The following ZNF516 variants were observed in gnomAD, a reference collection of about 807,000 sequenced individuals.
The protein encoded by ZNF516 is zinc finger protein 516.
A neutral mutation model predicts 79.7 loss-of-function variants in ZNF516; 19 were observed. The observed-to-expected ratio is 0.24, with a 90% CI of 0.17 to 0.35. The LOEUF is 0.35. ZNF516 is among the 10% of genes least tolerant of loss of function. The pLI, the probability that ZNF516 is intolerant of heterozygous loss-of-function variation, is 1.00. For missense variants in ZNF516, 1,678 were observed against 1,679.5 expected (o/e 1.00, Z 0.02); for synonymous variants, 877 against 739.5 (o/e 1.19, Z -3.02).
chr18:76,445,890 G>A (rs1912016734), intron 2 of ZNF516, among the ~76,000 whole-genome samples: 2 of 152,244 alleles, frequency 1.3e-5, no homozygotes, highest in South Asian at 4.1e-4. Flanking sequence ...CTGTGCTCTA[G>A]GGCTATCAGC....
Position 76,442,059 on chromosome 18 carries a change from G to A in ZNF516, c.996C>T (p.Ser332=). The A allele has an allele frequency of 1.9e-6, 3 of 1,613,996 alleles. No individual in the cohort carries two copies. The highest frequency in any genetic ancestry group is 2.5e-6 in the Non-Finnish European group (3 of 1,179,886). Residue 332 remains serine, a synonymous_variant, in exon 3 of 7, where the codon AGC becomes AGT. Transcript: ENST00000443185. The part of the protein sequence containing the change: ...VQEEVIVAGL[S]LYEVCAKCGN... ...CGCACTTGGCGCAGACCTCGTAGAG[G>A]CTCAGGCCGGCGACGATCACCTCCT...
rs778625043 is a variant in ZNF516, at chr18:76,379,060, C to T, written c.3054G>A (p.Ala1018=). Residue 1018 remains alanine (A), a synonymous_variant, in exon 4 of 7, where the codon GCG becomes GCA. Transcript: ENST00000443185. ...GCAAGGCCGCGTCGCCCCTGGACCC[C>T]GCAGCACAGGTGGCCAGAGTCCTCA... ...QELRTLATCA[A]GSRGDAALQA... 29 of 1,610,430 alleles carry T rather than the reference C, an allele frequency of 1.8e-5. No individual in the cohort carries two copies. The highest frequency in any genetic ancestry group is 9.9e-5 in the South Asian group (9 of 91,050).
chr18:76,432,535 C>G (rs1330578061), intron 3 of ZNF516, among the ~76,000 whole-genome samples: 1 of 152,276 alleles, frequency 6.6e-6, no homozygotes, highest in African/African-American at 2.4e-5. Flanking sequence ...ACAGCTCACT[C>G]TTCCGTGTCA....
chr18:76,374,737 C>G (rs963178607), intron 4 of ZNF516, among the ~76,000 whole-genome samples: 5 of 152,218 alleles, frequency 3.3e-5, no homozygotes, highest in Non-Finnish European at 7.3e-5. Flanking sequence ...CCTCCCCAAA[C>G]TACAAAATGA....
chr18:76,358,170 G>A lies in ZNF516; in HGVS notation c.*4328C>T, dbSNP rs1430662958. On this transcript the variant is annotated 3_prime_UTR_variant, in exon 7 of 7. Transcript: ENST00000443185. The stretch of plus-strand genomic sequence containing the variant: ...GATTTACGCCACCCTCTGAAATTGG[G>A]GAAAAATGTCTTACAAATCTCAGAA... 2 of 152,006 alleles carry A rather than the reference G, an allele frequency of 1.3e-5. No individual in the cohort carries two copies. Among genetic ancestry groups the A allele is most frequent in the African/African-American group, 4.8e-5 (2 of 41,374 alleles). 9.4% of individuals were successfully genotyped at this position (152,006 alleles called of 1,614,324 possible). A position where few individuals can be genotyped will look rare whatever the true frequency, so the allele number is the denominator to read the frequency against.
chr18:76,471,260 A>C (rs577119154), intron 1 of ZNF516, among the ~76,000 whole-genome samples: 1 of 152,074 alleles, frequency 6.6e-6, no homozygotes, highest in African/African-American at 2.4e-5. Context: ...ACACGGAAAA[A>C]AAAAAAAAGA....
At chr18:76,472,143 G>T (rs1913879730) in intron 1 of ZNF516, among the ~76,000 whole-genome samples, 1 of 152,102 alleles carries the variant, frequency 6.6e-6, no homozygotes. Flanking sequence ...CGGTCCCTTG[G>T]TCAGCGTCCC....
At chr18:76,404,070 C>A (rs2075268290) in intron 3 of ZNF516, among the ~76,000 whole-genome samples, 1 of 152,248 alleles carries the variant, frequency 6.6e-6, no homozygotes, top group Admixed American at 6.5e-5. Context: ...CAGAACTGGC[C>A]TCCCCACTCC....
intron 6 of ZNF516, among the ~76,000 whole-genome samples, chr18:76,365,763 G>T (rs1290348127): frequency 6.6e-6 from 1 of 152,220 alleles, no homozygotes; most frequent in Admixed American, 6.5e-5. Flanking sequence ...AAGAGCGGAT[G>T]CCCTCACAGC....
Position 76,414,964 on chromosome 18 carries a change from G to A in ZNF516, c.1810+26281C>T, listed in dbSNP as rs188072309. ...TGTAATCTCAGCACTTTGGGAGGCCGAGGTGGGCAGATCACCTGAGGTCAG... is the reference window on the plus strand; with the variant it reads ...TGTAATCTCAGCACTTTGGGAGGCCAAGGTGGGCAGATCACCTGAGGTCAG... On this transcript the variant is annotated intron_variant, in intron 3 of 6. Coordinates refer to ENST00000443185, the MANE Select transcript of ZNF516 (RefSeq NM_014643.4). Among the ~76,000 whole-genome samples, 45 of 151,784 alleles carry A rather than the reference G, an allele frequency of 3.0e-4. 1 individual carries two copies. In the East Asian group the frequency reaches 4.2e-3, roughly 14 times the overall value.
At chr18:76,420,862 C>T (rs2075498069) in intron 3 of ZNF516, among the ~76,000 whole-genome samples, 1 of 152,190 alleles carries the variant, frequency 6.6e-6, no homozygotes, top group Non-Finnish European at 1.5e-5. Context: ...GGTACTTCAT[C>T]CACAATATCA....
chr18:76,366,390 A>T (rs1295847463), intron 6 of ZNF516, among the ~76,000 whole-genome samples: 2 of 152,282 alleles, frequency 1.3e-5, no homozygotes, highest in African/African-American at 4.8e-5. Context: ...AACAGAATGC[A>T]GCAAATGAGG....
At position 76,362,117 on chromosome 18, in the gene ZNF516, C is replaced by G. The variant is rs2074547584; in HGVS notation, c.*381G>C. On this transcript the variant is annotated 3_prime_UTR_variant, in exon 7 of 7. Transcript: ENST00000443185. Reference sequence around the variant, plus strand: ...GCCTCGCCACTCTGTCCAACACACACAACAAGTATCTTTTTTTCCAGTGTC... The same window carrying G: ...GCCTCGCCACTCTGTCCAACACACAGAACAAGTATCTTTTTTTCCAGTGTC... The G allele has an allele frequency of 5.5e-6, 1 of 182,524 alleles. No homozygotes were observed. The highest frequency in any genetic ancestry group is 1.2e-5 in the Non-Finnish European group (1 of 85,626). The allele number at this position is 182,524 out of a possible 1,614,324, so 11.3% of individuals were successfully genotyped here.
intron 1 of ZNF516, among the ~76,000 whole-genome samples, chr18:76,478,701 C>T (rs1004810190): frequency 7.2e-5 from 11 of 152,158 alleles, no homozygotes; most frequent in African/African-American, 1.4e-4. Flanking sequence ...ACTTTCAGTA[C>T]ACTCTCAGTT....
At chr18:76,382,655 A>T (rs2074911765) in intron 3 of ZNF516, among the ~76,000 whole-genome samples, 1 of 152,196 alleles carries the variant, frequency 6.6e-6, no homozygotes, top group Admixed American at 6.5e-5. Flanking sequence ...TCAGACCCAT[A>T]ATCCCAGCAC....
intron 3 of ZNF516, among the ~76,000 whole-genome samples, chr18:76,432,081 C>A (rs929744844): frequency 6.6e-6 from 1 of 152,216 alleles, no homozygotes; most frequent in African/African-American, 2.4e-5. Flanking sequence ...GCAGATGTCA[C>A]CAGTTGAACA....
chr18:76,450,329 A>G (rs1912325634), intron 2 of ZNF516, among the ~76,000 whole-genome samples: 1 of 151,678 alleles, frequency 6.6e-6, no homozygotes, highest in Non-Finnish European at 1.5e-5. Flanking sequence ...CTCTTCCCCT[A>G]TCTGCCCCTC....
At chr18:76,410,354 C>G (rs1387498757) in intron 3 of ZNF516, among the ~76,000 whole-genome samples, 3 of 152,156 alleles carry the variant, frequency 2.0e-5, no homozygotes, top group African/African-American at 4.8e-5. Flanking sequence ...CTCTGGCTTC[C>G]AAGGTCTCAA....
At chr18:76,441,109 C>CTGG in intron 3 of ZNF516, 136 bp downstream of exon 3, 10 of 1,301,746 alleles carry the variant, frequency 7.7e-6, no homozygotes, top group Non-Finnish European at 1.0e-5. Flanking sequence ...GTTACCTGAG[C>CTGG]ATAGGCCTAG....
Sources: gnomAD v4.1 joint callset for allele counts (sites outside exome capture counted in the v4.1 genomes callset) on GRCh38, gnomAD v4.1.1 for gene constraint, MANE v1.5 for transcripts, NCBI Gene and HGNC (gene_info 2026-07-23, HGNC 2026-07-21) for gene names.